AHI1: variants seen among roughly 807,000 people sequenced by gnomAD.
AHI1 encodes the protein Abelson helper integration site 1.
Under a neutral mutation model 149.3 loss-of-function variants are expected in AHI1, and 123 were observed. That is an observed-to-expected ratio of 0.82 (90% CI 0.71 to 0.96). The LOEUF is 0.96. Ranked by LOEUF, AHI1 falls within the 40% of genes least tolerant of loss-of-function variation. AHI1 has a pLI of 0.00. For synonymous variants in AHI1, 475 were observed against 459.8 expected (o/e 1.03, Z -0.42); for missense variants, 1,439 against 1,422.7 (o/e 1.01, Z -0.18).
At chr6:135,311,187 A>C (rs1364861771) in intron 26 of AHI1, among the ~76,000 whole-genome samples, 1 of 151,870 alleles carries the variant, frequency 6.6e-6, no homozygotes, top group Non-Finnish European at 1.5e-5. Context: ...CTGTAGTCCA[A>C]GCCACTCGGG....
intron 23 of AHI1, among the ~76,000 whole-genome samples, chr6:135,382,006 G>A (rs1331523301): frequency 5.3e-5 from 8 of 151,898 alleles, no homozygotes; most frequent in Non-Finnish European, 8.8e-5. Context: ...GTTATTTCTG[G>A]TTCTTCTCAA....
intron 8 of AHI1, among the ~76,000 whole-genome samples, 200 bp from the exon 9 acceptor site, chr6:135,457,913 G>GA (rs1199805746): frequency 6.6e-6 from 1 of 151,950 alleles, no homozygotes; most frequent in Non-Finnish European, 1.5e-5. Context: ...CAAATAAGGT[G>GA]AAAAATCCTT....
At chr6:135,452,672 T>C (rs1193635717) in intron 11 of AHI1, among the ~76,000 whole-genome samples, 1 of 152,196 alleles carries the variant, frequency 6.6e-6, no homozygotes, top group African/African-American at 2.4e-5. Flanking sequence ...GACCTCATCA[T>C]AATTAACATC....
chr6:135,362,338 T>A (rs972704474), intron 23 of AHI1, among the ~76,000 whole-genome samples: 29 of 152,156 alleles, frequency 1.9e-4, no homozygotes, highest in African/African-American at 2.4e-5. Context: ...AAAGCGCTAC[T>A]TTTCTTAGGT....
chr6:135,387,806 C>T (rs1777822035), intron 23 of AHI1: 1 of 1,352,990 alleles, frequency 7.4e-7, no homozygotes, highest in Non-Finnish European at 9.5e-7. Flanking sequence ...GTTTATTCTC[C>T]CAATATTTTA....
intron 22 of AHI1, among the ~76,000 whole-genome samples, chr6:135,395,108 T>C (rs375744977): frequency 2.6e-5 from 4 of 152,030 alleles, no homozygotes; most frequent in African/African-American, 7.2e-5. Context: ...CATAGCTATA[T>C]GAAAATAAAT....
intron 26 of AHI1, among the ~76,000 whole-genome samples, chr6:135,312,675 G>A (rs1303426173): frequency 6.6e-6 from 1 of 152,224 alleles, no homozygotes; most frequent in Non-Finnish European, 1.5e-5. Flanking sequence ...TGCTAACTAG[G>A]TGGTGGAGGA....
chr6:135,415,559 A>C (rs1167237413), intron 20 of AHI1, among the ~76,000 whole-genome samples: 1 of 152,202 alleles, frequency 6.6e-6, no homozygotes, highest in Non-Finnish European at 1.5e-5. Flanking sequence ...TGGGAATGTT[A>C]AATGTTAAAC....
chr6:135,447,135 A>C lies in AHI1; in HGVS notation c.1652T>G (p.Met551Arg). The change falls in exon 13 of 29, where the codon ATG (methionine) becomes AGG (arginine). Residue 551 changes from methionine (M) to arginine (R), a missense_variant. Coordinates refer to ENST00000265602, the MANE Select transcript of AHI1 (RefSeq NM_001134831.2). ...TTTACCTTTTTCCTCCTGAAGAGCC[A>C]TCATAGAGCGGTAAGATGGCTTTAT... ...DCIKPSYRSM[M>R]ALQEEKGKPV... is the part of the protein sequence containing the mutation. The C allele has an allele frequency of 6.3e-7, 1 of 1,592,514 alleles. No individual in the cohort carries two copies. The highest frequency in any genetic ancestry group is 1.2e-5 in the South Asian group (1 of 84,986).
At chr6:135,320,375 C>T (rs1279055162) in intron 25 of AHI1, among the ~76,000 whole-genome samples, 1 of 152,164 alleles carries the variant, frequency 6.6e-6, no homozygotes, top group Non-Finnish European at 1.5e-5. Context: ...CTGTACGTAG[C>T]CATCAACTCA....
chr6:135,363,717 G>A (rs1475760460), intron 23 of AHI1, among the ~76,000 whole-genome samples: 5 of 146,952 alleles, frequency 3.4e-5, no homozygotes, highest in Non-Finnish European at 7.5e-5. Flanking sequence ...GCGGCTGGCC[G>A]GGCAGAGGCG....
At chr6:135,449,342 G>A (rs1329928852) in intron 11 of AHI1, among the ~76,000 whole-genome samples, 3 of 152,032 alleles carry the variant, frequency 2.0e-5, no homozygotes, top group Admixed American at 2.0e-4. Context: ...GAGCCACCAC[G>A]CCTGGCCCTA....
intron 23 of AHI1, among the ~76,000 whole-genome samples, chr6:135,371,447 A>G (rs936708555): frequency 3.9e-5 from 6 of 152,286 alleles, no homozygotes; most frequent in South Asian, 4.1e-4. Context: ...TCCTTTACCT[A>G]GGAAATCAGG....
At position 135,378,042 on chromosome 6, in the gene AHI1, T is replaced by G. The variant is rs192073909; in HGVS notation, c.3109+16734A>C. Among the ~76,000 whole-genome samples the G allele has an allele frequency of 3.9e-3, 601 of 152,172 alleles. 1 individual carries two copies. Among genetic ancestry groups the G allele is most frequent in the African/African-American group, 0.014 (578 of 41,436 alleles). On this transcript the variant is annotated intron_variant, in intron 23 of 28. Coordinates refer to ENST00000265602, the MANE Select transcript of AHI1 (RefSeq NM_001134831.2). ...GATATCAGTTATTTATAATTCTCCA[T>G]GATTAGTATTTGTTCCTTTACAATT...
At chr6:135,416,707 G>T (rs779010664) in intron 20 of AHI1, among the ~76,000 whole-genome samples, 4 of 151,940 alleles carry the variant, frequency 2.6e-5, no homozygotes, top group Non-Finnish European at 4.4e-5. Context: ...AGTCTGAGAT[G>T]ATGCATATAA....
intron 24 of AHI1, among the ~76,000 whole-genome samples, chr6:135,352,062 G>T (rs558665971): frequency 6.6e-6 from 1 of 152,054 alleles, no homozygotes; most frequent in Non-Finnish European, 1.5e-5. Context: ...CACTGATCCC[G>T]ATAGTCTCCT....
intron 23 of AHI1, among the ~76,000 whole-genome samples, chr6:135,362,686 G>C (rs1794097101): frequency 1.3e-5 from 2 of 151,972 alleles, no homozygotes; most frequent in Admixed American, 1.3e-4. Flanking sequence ...AATTGTCTAT[G>C]CATGTCCTTA....
chr6:135,438,601 C>T (rs1334031039), intron 14 of AHI1, 103 bp from the exon 15 acceptor site: 1 of 907,050 alleles, frequency 1.1e-6, no homozygotes, highest in Non-Finnish European at 1.5e-6. Context: ...CAGTCTATAA[C>T]AAAATTATAA....
At chr6:135,306,368 T>TA (rs1199446219) in intron 26 of AHI1, among the ~76,000 whole-genome samples, 1 of 152,076 alleles carries the variant, frequency 6.6e-6, no homozygotes, top group African/African-American at 2.4e-5. Context: ...TACAGAAATA[T>TA]AGAGAAAGTA....
Sources: allele counts gnomAD v4.1 joint callset (sites outside exome capture counted in the v4.1 genomes callset), GRCh38; gene constraint gnomAD v4.1.1; transcripts MANE v1.5; gene names NCBI Gene and HGNC (gene_info 2026-07-23, HGNC 2026-07-21).